RASAL1: variants seen among roughly 807,000 people sequenced by gnomAD.
RASAL1 encodes RAS protein activator like 1.
In RASAL1, 72 loss-of-function variants were observed where a neutral mutation model predicts 96.6. The observed-to-expected ratio is 0.75, with a 90% CI of 0.62 to 0.91. The LOEUF is 0.91. Ranked by LOEUF, RASAL1 falls within the 40% of genes least tolerant of loss-of-function variation. The probability of loss-of-function intolerance (pLI) is 0.00; values close to 1 mark genes in which losing one functional copy is unlikely to be tolerated. For missense variants in RASAL1, 1,016 were observed against 1,072.5 expected, an observed-to-expected ratio of 0.95 and a Z score of 0.74; for synonymous variants, 405 against 430.4, an observed-to-expected ratio of 0.94 and a Z score of 0.73.
chr12:113,109,192 C>T (rs143974863), intron 13 of RASAL1, among the ~76,000 whole-genome samples: 3 of 151,958 alleles, frequency 2.0e-5, no homozygotes, highest in African/African-American at 7.3e-5. Flanking sequence ...AGGATTTGAA[C>T]TCTCTGTTCT....
At chr12:113,100,721 T>G (rs775762781) in intron 19 of RASAL1, 41 bp from the exon 20 acceptor site, 68 of 1,558,830 alleles carry the variant, frequency 4.4e-5, no homozygotes, top group Non-Finnish European at 5.8e-5. Context: ...GGTCCCTGAT[T>G]CCCATTCCTG....
At chr12:113,102,074 G>T in intron 18 of RASAL1, 65 bp from the exon 19 acceptor site, 1 of 1,565,010 alleles carries the variant, frequency 6.4e-7, no homozygotes, top group Non-Finnish European at 8.7e-7. Context: ...CCACAGCCAG[G>T]CATTCGCCAA....
intron 8 of RASAL1, among the ~76,000 whole-genome samples, chr12:113,116,608 G>A (rs1339919719): frequency 6.6e-6 from 1 of 152,224 alleles, no homozygotes; most frequent in Non-Finnish European, 1.5e-5. Context: ...TGTGGCCAGA[G>A]TGGATAGATG....
At chr12:113,109,205 AC>A (rs1220166208) in intron 13 of RASAL1, among the ~76,000 whole-genome samples, 1 of 151,740 alleles carries the variant, frequency 6.6e-6, no homozygotes, top group African/African-American at 2.4e-5. Flanking sequence ...TCTGTTCTTC[AC>A]CACACTCTCC....
chr12:113,114,954 G>T, intron 11 of RASAL1, 42 bp from the exon 12 acceptor site: 1 of 1,505,554 alleles, frequency 6.6e-7, no homozygotes. Context: ...CTGAGGGCGA[G>T]GCCGGGGCAT....
At chr12:113,133,255 C>A (rs1308094941) in intron 1 of RASAL1, among the ~76,000 whole-genome samples, 2 of 152,186 alleles carry the variant, frequency 1.3e-5, no homozygotes, top group African/African-American at 4.8e-5. Flanking sequence ...GCTTCCAGAC[C>A]CCTGATCTCT....
intron 13 of RASAL1, among the ~76,000 whole-genome samples, chr12:113,110,747 T>G (rs1950837946): frequency 6.6e-6 from 1 of 152,064 alleles, no homozygotes; most frequent in African/African-American, 2.4e-5. Context: ...AGTGAGACCC[T>G]GTCTCTAGAA....
chr12:113,110,973 G>T (rs942600484), intron 13 of RASAL1, among the ~76,000 whole-genome samples: 2 of 152,172 alleles, frequency 1.3e-5, no homozygotes, highest in African/African-American at 4.8e-5. Flanking sequence ...AATCTCTAAA[G>T]ATCTGGCAGT....
At position 113,130,223 on chromosome 12, in the gene RASAL1, C is replaced by T. The variant is rs1951649341; in HGVS notation, c.122+662G>A. Reference sequence around the variant, plus strand: ...GGGGTGGGAGCCAAGCAGGGCGCAGCCTGATATCCCCCTGCGAGACTCACT... The same window carrying T: ...GGGGTGGGAGCCAAGCAGGGCGCAGTCTGATATCCCCCTGCGAGACTCACT... On this transcript the variant is annotated intron_variant, in intron 2 of 20. Coordinates refer to ENST00000548055, the MANE Select transcript of RASAL1 (RefSeq NM_001301202.2). The surrounding 1 kb of genome is among the most constrained non-coding windows in gnomAD (Gnocchi z 5.1). Among the ~76,000 whole-genome samples the T allele has an allele frequency of 6.6e-6, 1 of 152,184 alleles. No homozygotes were observed. Among genetic ancestry groups the T allele is most frequent in the Non-Finnish European group, 1.5e-5 (1 of 68,016 alleles).
Position 113,115,354 on chromosome 12 carries a change from A to T in RASAL1, c.1004-90T>A, listed in dbSNP as rs778733154. The T allele has an allele frequency of 9.3e-6, 12 of 1,290,958 alleles. No homozygotes were observed. The highest frequency in any genetic ancestry group is 1.4e-5 in the Non-Finnish European group (12 of 887,806). 80.0% of individuals were successfully genotyped at this position (1,290,958 alleles called of 1,614,324 possible). On this transcript the variant is annotated intron_variant, in intron 10 of 20. Coordinates refer to ENST00000548055, the MANE Select transcript of RASAL1 (RefSeq NM_001301202.2). The surrounding 1 kb of genome is among the most constrained non-coding windows in gnomAD (Gnocchi z 4.1). ...CCAAGGTGGGAGTCATGATTCTTCC[A>T]GCCCCAAGAATCAGGAAGACCCAAA...
At chr12:113,109,132 C>T (rs1249835142) in intron 13 of RASAL1, among the ~76,000 whole-genome samples, 3 of 150,906 alleles carry the variant, frequency 2.0e-5, no homozygotes, top group African/African-American at 4.9e-5. Flanking sequence ...CCAGCCGCCT[C>T]AGCCTCCCAA....
chr12:113,109,101 G>A (rs1437689321), intron 13 of RASAL1, among the ~76,000 whole-genome samples: 4 of 143,538 alleles, frequency 2.8e-5, no homozygotes, highest in Admixed American at 7.1e-5. Context: ...GGCTGGTCTT[G>A]AACTCCTAAT....
intron 1 of RASAL1, among the ~76,000 whole-genome samples, chr12:113,132,920 C>T (rs1951775472): frequency 6.6e-6 from 1 of 152,220 alleles, no homozygotes; most frequent in African/African-American, 2.4e-5. Context: ...CCATTGGAGC[C>T]TCAGTTTCCC....
intron 11 of RASAL1, 83 bp from the exon 12 acceptor site, chr12:113,114,995 C>T: frequency 8.2e-7 from 1 of 1,221,996 alleles, no homozygotes; most frequent in East Asian, 2.3e-5. Context: ...GGGGACCATG[C>T]AGGAAGAGGT....
At chr12:113,108,942 C>T (rs112419326) in intron 13 of RASAL1, among the ~76,000 whole-genome samples, 196 of 148,854 alleles carry the variant, frequency 1.3e-3, no homozygotes, top group Non-Finnish European at 2.5e-3. Flanking sequence ...TCAAGTGATT[C>T]TAGTGCCTCA....
chr12:113,132,540 A>C (rs1401524373), intron 1 of RASAL1, among the ~76,000 whole-genome samples: 1 of 152,064 alleles, frequency 6.6e-6, no homozygotes, highest in Non-Finnish European at 1.5e-5. Flanking sequence ...CTACCTATTC[A>C]AATGGCCCTC....
At chr12:113,133,336 C>T (rs1951787922) in intron 1 of RASAL1, among the ~76,000 whole-genome samples, 1 of 152,212 alleles carries the variant, frequency 6.6e-6, no homozygotes. Flanking sequence ...TCAGCCATTG[C>T]CTGCCCAGTC....
chr12:113,127,473 C>T (rs1234953199), intron 4 of RASAL1, among the ~76,000 whole-genome samples: 1 of 152,010 alleles, frequency 6.6e-6, no homozygotes. Context: ...TAGCAAGACT[C>T]CGTATCTATA....
In RASAL1 at chr12:113,116,053, T is replaced by C; in HGVS notation, c.732-2A>G. 1 of 1,575,298 alleles carries C rather than the reference T, an allele frequency of 6.3e-7. No homozygotes were observed. Among genetic ancestry groups the C allele is most frequent in the Non-Finnish European group, 8.6e-7 (1 of 1,160,204 alleles). On this transcript the variant is annotated splice_acceptor_variant, in intron 8 of 20. Transcript: ENST00000548055. LOFTEE classifies it high-confidence loss of function. ...ACTCGCAGGGCACCCAGGTTCCCCC[T>C]GTCCAGGATCAGATCATAAGAAAAT... is the stretch of plus-strand genomic sequence containing the variant.
Sources: allele counts gnomAD v4.1 joint callset (sites outside exome capture counted in the v4.1 genomes callset), GRCh38; gene constraint gnomAD v4.1.1; non-coding constraint Gnocchi (gnomAD v3.1); transcripts MANE v1.5; gene names NCBI Gene and HGNC (gene_info 2026-07-23, HGNC 2026-07-21).